The following STK32B variants were observed in gnomAD, a reference collection of about 807,000 sequenced individuals.
STK32B encodes serine/threonine-protein kinase 32B.
Under a neutral mutation model 52.6 loss-of-function variants are expected in STK32B, and 43 were observed. That is an observed-to-expected ratio of 0.82 (90% CI 0.64 to 1.05). The LOEUF is 1.05. Among genes scored for constraint, STK32B ranks in the 50% least tolerant of loss-of-function variants. The pLI, the probability that STK32B is intolerant of heterozygous loss-of-function variation, is 0.00. For synonymous variants in STK32B, 238 were observed against 204.3 expected, an observed-to-expected ratio of 1.17 and a Z score of -1.41; for missense variants, 621 against 534.6, an observed-to-expected ratio of 1.16 and a Z score of -1.59.
rs969115748 is a variant in STK32B at position 5,499,311 on chromosome 4, C to T, written c.*228C>T. 6.5e-6 allele frequency: 3 copies of T among 464,732 alleles called. No homozygotes were observed. Among genetic ancestry groups the T allele is most frequent in the East Asian group, 3.5e-5 (1 of 28,672 alleles). 28.8% of individuals were successfully genotyped at this position (464,732 alleles called of 1,614,324 possible). On this transcript the variant is annotated 3_prime_UTR_variant, in exon 12 of 12. Coordinates refer to ENST00000282908, the MANE Select transcript of STK32B (RefSeq NM_018401.3). ...TCTGTGCCTCCGTTTTCTGCATCTG[C>T]CAAAGGGGTTAAACACTTCTGCCCC...
intron 11 of STK32B, among the ~76,000 whole-genome samples, chr4:5,496,632 C>T (rs1016768425): frequency 6.6e-6 from 1 of 151,988 alleles, no homozygotes. Context: ...AGAAATCACC[C>T]ATCTTCTGCG....
chr4:5,019,601 C>T, the STK32B span: 22 of 760,222 alleles, frequency 2.9e-5, no homozygotes, highest in Admixed American at 4.3e-5. Flanking sequence ...CGGGCAGGGT[C>T]GGGACAGGAA....
rs766319983 is a variant in STK32B, at chr4:5,446,653, C to G, written c.563-20C>G. 3.1e-6 allele frequency: 5 copies of G among 1,611,336 alleles called. No individual in the cohort carries two copies. The highest frequency in any genetic ancestry group is 4.2e-6 in the Non-Finnish European group (5 of 1,177,690). On this transcript the variant is annotated intron_variant, in intron 6 of 11. Coordinates refer to ENST00000282908, the MANE Select transcript of STK32B (RefSeq NM_018401.3). Reference sequence around the variant, plus strand: ...AAACTGGGATACACAATGATGTTCTCCTTGTCCTCTCGTTGGCAGCTCCAG... The same window carrying G: ...AAACTGGGATACACAATGATGTTCTGCTTGTCCTCTCGTTGGCAGCTCCAG...
At position 5,269,533 on chromosome 4, in the gene STK32B, C is replaced by A. The variant is rs1577270612; in HGVS notation, c.261-61687C>A. Among the ~76,000 whole-genome samples the A allele has an allele frequency of 4.6e-5, 7 of 152,216 alleles. 1 individual carries two copies. In the South Asian group the frequency reaches 1.5e-3, roughly 32 times the overall value. On this transcript the variant is annotated intron_variant, in intron 3 of 11. Coordinates refer to ENST00000282908, the MANE Select transcript of STK32B (RefSeq NM_018401.3). Reference sequence around the variant, plus strand: ...TGTGAGGCATTGTGAGGTAATACAGCAATCAACTGAAACAGACAATTTGTT... The same window carrying A: ...TGTGAGGCATTGTGAGGTAATACAGAAATCAACTGAAACAGACAATTTGTT...
intron 3 of STK32B, among the ~76,000 whole-genome samples, chr4:5,192,614 A>C (rs1273518855): frequency 6.6e-6 from 1 of 152,206 alleles, no homozygotes; most frequent in East Asian, 1.9e-4. Context: ...TAAACATTGT[A>C]TATATTTATG....
At chr4:5,034,915 C>T in the STK32B span, among the ~76,000 whole-genome samples, 5 of 152,180 alleles carry the variant, frequency 3.3e-5, no homozygotes, top group Admixed American at 2.6e-4. Context: ...GATCTGCTCC[C>T]GGCCACTCCA....
chr4:5,156,788 T>C (rs1470182270), intron 2 of STK32B, among the ~76,000 whole-genome samples: 2 of 152,188 alleles, frequency 1.3e-5, no homozygotes, highest in South Asian at 2.1e-4. Context: ...TGTTATATGA[T>C]AATAGCTCTT....
At chr4:5,121,128 C>G (rs1321725448) in intron 1 of STK32B, among the ~76,000 whole-genome samples, 1 of 152,140 alleles carries the variant, frequency 6.6e-6, no homozygotes, top group Non-Finnish European at 1.5e-5. Context: ...ACTCTTAGGA[C>G]TTTGCATCCT....
At chr4:5,200,371 A>C (rs1243833817) in intron 3 of STK32B, among the ~76,000 whole-genome samples, 1 of 151,812 alleles carries the variant, frequency 6.6e-6, no homozygotes, top group East Asian at 1.9e-4. Context: ...TAAGCCACCT[A>C]AAGTCATTTG....
At chr4:5,278,300 T>A (rs530085151) in intron 3 of STK32B, among the ~76,000 whole-genome samples, 1 of 152,294 alleles carries the variant, frequency 6.6e-6, no homozygotes, top group South Asian at 2.1e-4. Context: ...AACCAGAGCA[T>A]TAAGGGTCTG....
the STK32B span, among the ~76,000 whole-genome samples, chr4:5,043,618 AG>A: frequency 6.6e-6 from 1 of 152,100 alleles, no homozygotes; most frequent in Non-Finnish European, 1.5e-5. Context: ...TTGCTACATG[AG>A]GTTGTCCCAG....
At chr4:5,159,821 TTTGA>T (rs1280647588) in intron 2 of STK32B, among the ~76,000 whole-genome samples, 7 of 146,518 alleles carry the variant, frequency 4.8e-5, no homozygotes, top group East Asian at 2.0e-4. Flanking sequence ...GTTATTGGAG[TTTGA>T]TTGATTTCGT....
chr4:5,061,596 A>G (rs571371814), intron 1 of STK32B, among the ~76,000 whole-genome samples: 1 of 152,338 alleles, frequency 6.6e-6, no homozygotes, highest in South Asian at 2.1e-4. Context: ...TATATTTCCT[A>G]GAAAGATTTT....
At chr4:5,260,113 A>G (rs1038431587) in intron 3 of STK32B, among the ~76,000 whole-genome samples, 3 of 152,134 alleles carry the variant, frequency 2.0e-5, no homozygotes, top group Non-Finnish European at 4.4e-5. Context: ...ACGCACACAC[A>G]CACGGAGCCG....
rs1736284210 is a variant in STK32B, at chr4:5,386,816, T to C, written c.435-11391T>C. 6.6e-6 allele frequency among the ~76,000 whole-genome samples: 1 copy of C among 152,200 alleles called. No individual in the cohort carries two copies. The highest frequency in any genetic ancestry group is 1.5e-5 in the Non-Finnish European group (1 of 68,028). On this transcript the variant is annotated intron_variant, in intron 4 of 11. Transcript: ENST00000282908. This position sits in a 1 kb window ranked among gnomAD's most constrained non-coding sequence, Gnocchi z 4.5. ...ATTGGGTCCAACTCTCGGATTCCAA[T>C]AGAAGTCACGTGGATAGAGTCGGAT...
At chr4:5,183,483 A>G (rs1180910598) in intron 3 of STK32B, among the ~76,000 whole-genome samples, 7 of 152,028 alleles carry the variant, frequency 4.6e-5, no homozygotes, top group Non-Finnish European at 1.0e-4. Flanking sequence ...ATCTCAAAAA[A>G]AAAAAAAAAT....
chr4:5,354,933 C>T (rs774194692), intron 4 of STK32B, among the ~76,000 whole-genome samples: 11 of 152,066 alleles, frequency 7.2e-5, no homozygotes, highest in African/African-American at 1.4e-4. Flanking sequence ...AACCTTAATC[C>T]GCTGTAGCTG....
At chr4:5,444,895 G>T (rs900073556) in intron 6 of STK32B, among the ~76,000 whole-genome samples, 4 of 152,178 alleles carry the variant, frequency 2.6e-5, no homozygotes, top group Admixed American at 2.0e-4. Flanking sequence ...CACAATGTCA[G>T]TTCCTTTGTA....
intron 3 of STK32B, among the ~76,000 whole-genome samples, chr4:5,303,310 G>A (rs939583006): frequency 6.6e-6 from 1 of 152,082 alleles, no homozygotes; most frequent in African/African-American, 2.4e-5. Context: ...CAGTGTAAAA[G>A]TGTTTCATTT....
Sources: allele counts gnomAD v4.1 joint callset (sites outside exome capture counted in the v4.1 genomes callset), GRCh38; gene constraint gnomAD v4.1.1; non-coding constraint Gnocchi (gnomAD v3.1); transcripts MANE v1.5; gene names NCBI Gene and HGNC (gene_info 2026-07-23, HGNC 2026-07-21).